Variants in ARL15 observed in about 807,000 individuals in gnomAD.
ARL15 encodes the protein ARF like GTPase 15.
In ARL15, 19 loss-of-function variants were observed where a neutral mutation model predicts 25.2. The observed-to-expected ratio is 0.75, with a 90% confidence interval of 0.53 to 1.10. ARL15 has a LOEUF of 1.10. Among genes scored for constraint, ARL15 ranks in the 50% least tolerant of loss-of-function variants. The pLI is 0.00. For missense variants in ARL15, 220 were observed against 246.0 expected (o/e 0.89, Z 0.71); for synonymous variants, 94 against 86.8 (o/e 1.08, Z -0.46).
chr5:53,897,118 C>A (rs1199751024), intron 4 of ARL15, among the ~76,000 whole-genome samples: 1 of 152,110 alleles, frequency 6.6e-6, no homozygotes, highest in African/African-American at 2.4e-5. Flanking sequence ...AAAATTCATC[C>A]TTTGAAAGCA....
chr5:53,930,299 CCTATGG>C (rs1324657525), intron 4 of ARL15, among the ~76,000 whole-genome samples: 1 of 152,096 alleles, frequency 6.6e-6, no homozygotes, highest in Non-Finnish European at 1.5e-5. Context: ...AACCAAGCAG[CCTATGG>C]CTTCTCCTCC....
At chr5:54,303,007 T>G (rs2112716423) in intron 1 of ARL15, among the ~76,000 whole-genome samples, 1 of 152,270 alleles carries the variant, frequency 6.6e-6, no homozygotes, top group Admixed American at 6.5e-5. Context: ...AAATTCCCAC[T>G]TCTTGTCACC....
chr5:54,287,369 CAG>C (rs1758209833), intron 1 of ARL15, among the ~76,000 whole-genome samples: 1 of 151,834 alleles, frequency 6.6e-6, no homozygotes, highest in South Asian at 2.1e-4. Context: ...TTTAGGGAAA[CAG>C]AGTAGAGGCA....
At chr5:54,007,295 T>G (rs1463061726) in intron 4 of ARL15, among the ~76,000 whole-genome samples, 1 of 152,188 alleles carries the variant, frequency 6.6e-6, no homozygotes, top group East Asian at 1.9e-4. Context: ...TAATACTCTT[T>G]GCGTTTTCAA....
At chr5:53,981,238 A>G (rs1228036341) in intron 4 of ARL15, among the ~76,000 whole-genome samples, 1 of 152,248 alleles carries the variant, frequency 6.6e-6, no homozygotes, top group Non-Finnish European at 1.5e-5. Context: ...GGGTAGTGAA[A>G]AATGATAAAA....
At chr5:54,261,349 T>G (rs1757492874) in intron 1 of ARL15, among the ~76,000 whole-genome samples, 1 of 152,234 alleles carries the variant, frequency 6.6e-6, no homozygotes, top group South Asian at 2.1e-4. Context: ...GGGTAGGATT[T>G]TTGATAAGGT....
intron 1 of ARL15, among the ~76,000 whole-genome samples, chr5:54,245,979 CAA>C (rs1413336878): frequency 1.3e-5 from 2 of 152,128 alleles, no homozygotes; most frequent in Non-Finnish European, 2.9e-5. Flanking sequence ...TAAAATAGTT[CAA>C]AGAGTTATCA....
At position 53,886,426 on chromosome 5, in the gene ARL15, G is replaced by A. The variant is rs1744527113; in HGVS notation, c.*135C>T. On this transcript the variant is annotated 3_prime_UTR_variant, in exon 5 of 5. Coordinates refer to ENST00000504924, the MANE Select transcript of ARL15 (RefSeq NM_019087.3). ...TCTACAGAATATTCACTTTAATAGA[G>A]AGATGAGAGTCTGAAATGACCAGAG... The A allele has an allele frequency of 1.1e-6, 1 of 894,882 alleles. No homozygotes were observed. Among genetic ancestry groups the A allele is most frequent in the Admixed American group, 3.0e-5 (1 of 33,576 alleles). 55.4% of individuals were successfully genotyped at this position (894,882 alleles called of 1,614,324 possible). A position where few individuals can be genotyped will look rare whatever the true frequency, so the allele number is the denominator to read the frequency against.
At chr5:53,969,980 G>T (rs1457439058) in intron 4 of ARL15, among the ~76,000 whole-genome samples, 1 of 152,332 alleles carries the variant, frequency 6.6e-6, no homozygotes, top group East Asian at 1.9e-4. Flanking sequence ...TTGGCATACT[G>T]TAAAGGTGAT....
chr5:54,262,867 C>T (rs1554051255), intron 1 of ARL15, among the ~76,000 whole-genome samples: 1 of 152,118 alleles, frequency 6.6e-6, no homozygotes, highest in Non-Finnish European at 1.5e-5. Flanking sequence ...GTGGAATGAA[C>T]AGGCACTTTA....
intron 1 of ARL15, among the ~76,000 whole-genome samples, chr5:54,207,959 C>G (rs1262590714): frequency 6.6e-6 from 1 of 152,136 alleles, no homozygotes; most frequent in Non-Finnish European, 1.5e-5. Context: ...CATATTAAAG[C>G]AGGAGTATTG....
At chr5:54,211,878 T>C (rs1756053020) in intron 1 of ARL15, among the ~76,000 whole-genome samples, 3 of 152,166 alleles carry the variant, frequency 2.0e-5, no homozygotes, top group Non-Finnish European at 2.9e-5. Context: ...ATGAGGAATA[T>C]GCTTATCTGG....
At chr5:53,894,399 A>C (rs1744808273) in intron 4 of ARL15, among the ~76,000 whole-genome samples, 2 of 152,208 alleles carry the variant, frequency 1.3e-5, no homozygotes, top group South Asian at 4.1e-4. Context: ...TAGCCAAATA[A>C]AATGATCCCA....
intron 4 of ARL15, among the ~76,000 whole-genome samples, chr5:54,093,767 G>A (rs553800792): frequency 1.7e-4 from 25 of 151,128 alleles, no homozygotes; most frequent in Non-Finnish European, 3.4e-4. Context: ...TGAAAAATGT[G>A]CAAAAATGAC....
rs1190666780 is a variant in ARL15 at position 54,154,602 on chromosome 5, G to C, written c.231C>G (p.Ile77Met). 1 of 1,529,494 alleles carries C rather than the reference G, an allele frequency of 6.5e-7. No individual in the cohort carries two copies. Among genetic ancestry groups the C allele is most frequent in the South Asian group, 1.3e-5 (1 of 78,742 alleles). The allele number at this position is 1,529,494 out of a possible 1,614,324, so 94.7% of individuals were successfully genotyped here. Residue 77 changes from isoleucine (I) to methionine (M), a missense_variant, in exon 3 of 5, where the codon ATC becomes ATG. By Grantham distance (10) the Ile-to-Met change is conservative (BLOSUM62 1). Coordinates refer to ENST00000504924, the MANE Select transcript of ARL15 (RefSeq NM_019087.3). Reference sequence around the variant, plus strand: ...TACCTCCAAGTTCTTTTACATTCAAGATGGCATTCTGGAATGGCACTGCTT... The same window carrying C: ...TACCTCCAAGTTCTTTTACATTCAACATGGCATTCTGGAATGGCACTGCTT... ...SIKAVPFQNA[I>M]LNVKELGGAD...
At chr5:54,014,393 A>T (rs374344247) in intron 4 of ARL15, among the ~76,000 whole-genome samples, 2 of 152,166 alleles carry the variant, frequency 1.3e-5, no homozygotes, top group South Asian at 2.1e-4. Context: ...AGCAGACCCA[A>T]AGAGAACTAT....
chr5:54,092,157 A>G (rs1752148764), intron 4 of ARL15, among the ~76,000 whole-genome samples: 1 of 152,064 alleles, frequency 6.6e-6, no homozygotes, highest in Non-Finnish European at 1.5e-5. Context: ...ACGTACAAAT[A>G]TAGTCTCCTG....
chr5:54,113,185 A>T lies in ARL15; in HGVS notation c.462+17T>A. 4 of 1,610,868 alleles carry T rather than the reference A, an allele frequency of 2.5e-6. No homozygotes were observed. On this transcript the variant is annotated intron_variant, in intron 4 of 4. Transcript: ENST00000504924. The stretch of plus-strand genomic sequence containing the variant: ...CAAGCAAGGAAGACAAAGAGTTGTC[A>T]TGCTAATGAGACATACCTCTTGTAC...
At chr5:53,936,109 T>C (rs1055672103) in intron 4 of ARL15, among the ~76,000 whole-genome samples, 51 of 152,188 alleles carry the variant, frequency 3.4e-4, no homozygotes, top group Non-Finnish European at 1.0e-4. Flanking sequence ...AAATCATTTA[T>C]GAAAGACTTA....
Sources: gnomAD v4.1 joint callset for allele counts (sites outside exome capture counted in the v4.1 genomes callset) on GRCh38, gnomAD v4.1.1 for gene constraint, MANE v1.5 for transcripts, NCBI Gene and HGNC (gene_info 2026-07-23, HGNC 2026-07-21) for gene names.